Variants in HSD17B3 observed in about 807,000 individuals in gnomAD.
HSD17B3 encodes the protein hydroxysteroid 17-beta dehydrogenase 3.
Under a neutral mutation model 41.1 loss-of-function variants are expected in HSD17B3, and 29 were observed. That is an observed-to-expected ratio of 0.71 (90% CI 0.53 to 0.96). The LOEUF (loss-of-function observed/expected upper bound fraction) is 0.96, where lower values mean the gene tolerates loss of function less well. HSD17B3 is among the 40% of genes least tolerant of loss of function. The pLI, the probability that HSD17B3 is intolerant of heterozygous loss-of-function variation, is 0.00. For missense variants in HSD17B3, 323 were observed against 374.6 expected, an observed-to-expected ratio of 0.86 and a Z score of 1.14; for synonymous variants, 126 against 145.6, an observed-to-expected ratio of 0.87 and a Z score of 0.97.
intron 6 of HSD17B3, chr9:96,249,532 A>C (rs1220418020): frequency 1.7e-6 from 1 of 596,490 alleles, no homozygotes; most frequent in Non-Finnish European, 3.0e-6. Flanking sequence ...CTGAAAGCAG[A>C]AATAGAATTC....
chr9:96,291,884 G>A lies in HSD17B3; in HGVS notation c.201+6532C>T, dbSNP rs141847638. Among the ~76,000 whole-genome samples the A allele has an allele frequency of 0.015, 2,344 of 152,108 alleles. 195 individuals are homozygous for A. The East Asian group carries it at 0.25, about 16-fold the overall frequency. ...AGGCAGGAGAATCACTTGAACCCGG[G>A]AGGCAGAGGTTGCAGTGAACCAAGA... On this transcript the variant is annotated intron_variant, in intron 2 of 10. Transcript: ENST00000375263.
chr9:96,259,383 G>A (rs991547024), intron 2 of HSD17B3, among the ~76,000 whole-genome samples: 9 of 152,142 alleles, frequency 5.9e-5, no homozygotes, highest in African/African-American at 2.2e-4. Context: ...ATTTCCATCA[G>A]CGCAAGTCAG....
At chr9:96,236,328 C>A (rs954018646) in intron 10 of HSD17B3, among the ~76,000 whole-genome samples, 5 of 151,408 alleles carry the variant, frequency 3.3e-5, no homozygotes, top group African/African-American at 1.2e-4. Context: ...ACCAGCCTGG[C>A]CAACATGGTG....
At chr9:96,272,405 C>CTATA (rs1199705437) in intron 2 of HSD17B3, among the ~76,000 whole-genome samples, 38 of 21,520 alleles carry the variant, frequency 1.8e-3, no homozygotes, top group Admixed American at 1.9e-3. Context: ...CTCTCTCTCT[C>CTATA]TATATATATA....
intron 2 of HSD17B3, among the ~76,000 whole-genome samples, chr9:96,297,736 G>A (rs1391833749): frequency 6.6e-6 from 1 of 152,110 alleles, no homozygotes; most frequent in East Asian, 1.9e-4. Flanking sequence ...CTAGACATCA[G>A]TGTAATAGGC....
chr9:96,258,364 T>C (rs1243920789), intron 2 of HSD17B3, among the ~76,000 whole-genome samples: 2 of 152,234 alleles, frequency 1.3e-5, no homozygotes, highest in Non-Finnish European at 2.9e-5. Flanking sequence ...TTCTCCACTT[T>C]GTCCATTAAT....
intron 2 of HSD17B3, among the ~76,000 whole-genome samples, chr9:96,257,401 C>A (rs1825707994): frequency 6.6e-6 from 1 of 152,044 alleles, no homozygotes; most frequent in Admixed American, 6.6e-5. Context: ...CCCCGCCCAC[C>A]CCTAGGCTCC....
intron 2 of HSD17B3, among the ~76,000 whole-genome samples, chr9:96,272,980 T>C (rs60854707): frequency 0.14 from 21,218 of 152,124 alleles, 1,635 homozygotes; most frequent in East Asian, 0.3. Flanking sequence ...ACATAGTATA[T>C]GATCCCACTT....
intron 2 of HSD17B3, among the ~76,000 whole-genome samples, chr9:96,262,164 CTATGTGTT>C: frequency 7.0e-6 from 1 of 143,884 alleles, no homozygotes; most frequent in East Asian, 2.2e-4. Context: ...ACTGGTTACA[CTATGTGTT>C]TCTACCTCTG....
intron 2 of HSD17B3, among the ~76,000 whole-genome samples, chr9:96,285,305 A>G (rs1826875201): frequency 1.3e-5 from 2 of 152,190 alleles, no homozygotes; most frequent in Admixed American, 6.5e-5. Flanking sequence ...ACTATGGTAC[A>G]CGTGTATCAA....
At chr9:96,255,585 TCCCCGTGTTGG>T (rs1182303809) in intron 2 of HSD17B3, among the ~76,000 whole-genome samples, 1 of 151,898 alleles carries the variant, frequency 6.6e-6, no homozygotes, top group East Asian at 1.9e-4. Flanking sequence ...AGACAGGGTT[TCCCCGTGTTGG>T]CCAGGCTGGT....
intron 2 of HSD17B3, among the ~76,000 whole-genome samples, chr9:96,296,444 A>G (rs1827361368): frequency 6.6e-6 from 1 of 152,184 alleles, no homozygotes; most frequent in Non-Finnish European, 1.5e-5. Flanking sequence ...TAGGCCACTC[A>G]GCTTATGGAA....
intron 2 of HSD17B3, among the ~76,000 whole-genome samples, chr9:96,272,853 A>G (rs1211951900): frequency 6.6e-6 from 1 of 152,172 alleles, no homozygotes; most frequent in East Asian, 1.9e-4. Context: ...ACTGTGGTTC[A>G]TCCATACCAT....
chr9:96,282,996 T>C (rs964419795), intron 2 of HSD17B3, among the ~76,000 whole-genome samples: 9 of 90,722 alleles, frequency 9.9e-5, no homozygotes, highest in Admixed American at 4.6e-4. Context: ...TTCTTTCTTT[T>C]TTTTTTTTTT....
intron 9 of HSD17B3, among the ~76,000 whole-genome samples, chr9:96,242,712 C>A (rs904291829): frequency 6.6e-6 from 1 of 152,172 alleles, no homozygotes; most frequent in Non-Finnish European, 1.5e-5. Flanking sequence ...CATTTCCCCA[C>A]CCACATCTCC....
intron 5 of HSD17B3, 125 bp from the exon 6 acceptor site, chr9:96,249,911 C>T (rs2130724251): frequency 6.3e-7 from 1 of 1,576,428 alleles, no homozygotes; most frequent in East Asian, 2.3e-5. Context: ...ATCACTCACC[C>T]TGCAAATTAG....
intron 2 of HSD17B3, among the ~76,000 whole-genome samples, chr9:96,262,364 C>G (rs1342736451): frequency 6.7e-6 from 1 of 149,500 alleles, no homozygotes; most frequent in Non-Finnish European, 1.5e-5. Context: ...CTGCCTCAGC[C>G]TCCCTAGTAG....
At chr9:96,269,797 G>A (rs952585586) in intron 2 of HSD17B3, among the ~76,000 whole-genome samples, 6 of 151,804 alleles carry the variant, frequency 4.0e-5, no homozygotes, top group East Asian at 1.9e-4. Flanking sequence ...CCAGCTATTC[G>A]GGAAGCTGAG....
At chr9:96,262,971 T>C (rs1825917546) in intron 2 of HSD17B3, among the ~76,000 whole-genome samples, 1 of 152,246 alleles carries the variant, frequency 6.6e-6, no homozygotes, top group South Asian at 2.1e-4. Flanking sequence ...GTCTTATTTA[T>C]GAGTTTCCCT....
Sources: gnomAD v4.1 joint callset for allele counts (sites outside exome capture counted in the v4.1 genomes callset) on GRCh38, gnomAD v4.1.1 for gene constraint, MANE v1.5 for transcripts, NCBI Gene and HGNC (gene_info 2026-07-23, HGNC 2026-07-21) for gene names.